The following KIF26B variants were observed in gnomAD, a reference collection of about 807,000 sequenced individuals.
The protein encoded by KIF26B is kinesin family member 26B.
Under a neutral mutation model 151.2 loss-of-function variants are expected in KIF26B, and 63 were observed. The ratio of observed to expected loss-of-function variants is 0.42; its 90% CI spans 0.34 to 0.51. The LOEUF (loss-of-function observed/expected upper bound fraction) is 0.51, where lower values mean the gene tolerates loss of function less well. KIF26B is among the 20% of genes least tolerant of loss of function. The pLI, the probability that KIF26B is intolerant of heterozygous loss-of-function variation, is 0.07. For synonymous variants in KIF26B, 1,357 were observed against 1,262.1 expected (o/e 1.08, Z -1.59); for missense variants, 2,813 against 2,913.6 (o/e 0.97, Z 0.79).
At chr1:245,381,500 G>GT (rs1673408441) in intron 3 of KIF26B, among the ~76,000 whole-genome samples, 1 of 152,098 alleles carries the variant, frequency 6.6e-6, no homozygotes, top group Admixed American at 6.6e-5. Context: ...TTTTCTTTTT[G>GT]TTTTTTAACT....
At chr1:245,443,784 G>A (rs1487779058) in intron 4 of KIF26B, among the ~76,000 whole-genome samples, 2 of 91,462 alleles carry the variant, frequency 2.2e-5, no homozygotes, top group African/African-American at 8.6e-5. Context: ...TTCACCCTGC[G>A]GTCATCTCCC....
intron 4 of KIF26B, among the ~76,000 whole-genome samples, chr1:245,465,327 G>A (rs1264672658): frequency 6.6e-6 from 1 of 152,090 alleles, no homozygotes; most frequent in Non-Finnish European, 1.5e-5. Context: ...GACTGTTCCC[G>A]CTGCAGTCTC....
intron 2 of KIF26B, among the ~76,000 whole-genome samples, chr1:245,212,815 C>T (rs1319393506): frequency 6.6e-6 from 1 of 152,250 alleles, no homozygotes; most frequent in Non-Finnish European, 1.5e-5. Context: ...GTCCCGTCCA[C>T]TTAAGGAGCA....
intron 9 of KIF26B, among the ~76,000 whole-genome samples, chr1:245,632,182 C>T (rs1219495344): frequency 6.6e-6 from 1 of 152,040 alleles, no homozygotes; most frequent in African/African-American, 2.4e-5. Context: ...ACTCTAAACC[C>T]CTCTTACTAC....
chr1:245,460,801 G>A (rs776856126), intron 4 of KIF26B, among the ~76,000 whole-genome samples: 31 of 152,180 alleles, frequency 2.0e-4, no homozygotes, highest in African/African-American at 6.0e-4. Flanking sequence ...AGCTCAAAAC[G>A]GTGCCACCCT....
intron 2 of KIF26B, among the ~76,000 whole-genome samples, chr1:245,165,491 T>C (rs1284391828): frequency 6.6e-6 from 1 of 152,194 alleles, no homozygotes; most frequent in Non-Finnish European, 1.5e-5. Context: ...GTTGGCGCTC[T>C]AGAGCGGCTT....
At chr1:245,671,832 C>T (rs2044290419) in intron 10 of KIF26B, among the ~76,000 whole-genome samples, 1 of 152,178 alleles carries the variant, frequency 6.6e-6, no homozygotes, top group South Asian at 2.1e-4. Flanking sequence ...GCATTTCTGA[C>T]TTGAAACCTG....
At chr1:245,549,513 TTC>T (rs1218407218) in intron 5 of KIF26B, among the ~76,000 whole-genome samples, 1 of 152,202 alleles carries the variant, frequency 6.6e-6, no homozygotes, top group Non-Finnish European at 1.5e-5. Flanking sequence ...TCTATAGTCT[TTC>T]TCTTGTTAAT....
intron 10 of KIF26B, among the ~76,000 whole-genome samples, chr1:245,652,102 CTGTGTGTGTGTGTGTGTGTG>C (rs56893913): frequency 2.9e-5 from 4 of 136,354 alleles, no homozygotes; most frequent in Non-Finnish European, 4.6e-5. Flanking sequence ...ATGTAAGAAT[CTGTGTGTGTGTGTGTGTGTG>C]TGTGTGTGTG....
chr1:245,327,242 A>C (rs1395402211), intron 2 of KIF26B, among the ~76,000 whole-genome samples: 1 of 152,210 alleles, frequency 6.6e-6, no homozygotes, highest in Non-Finnish European at 1.5e-5. Flanking sequence ...GGTTAGGACC[A>C]TTACGATTTC....
chr1:245,660,476 T>C (rs2044123972), intron 10 of KIF26B, among the ~76,000 whole-genome samples: 1 of 151,014 alleles, frequency 6.6e-6, no homozygotes, highest in African/African-American at 2.4e-5. Context: ...TAGCTGGGAC[T>C]ACAGGTGTGC....
chr1:245,644,551 A>G (rs1319678113), intron 9 of KIF26B, among the ~76,000 whole-genome samples: 1 of 152,160 alleles, frequency 6.6e-6, no homozygotes, highest in Non-Finnish European at 1.5e-5. Context: ...ATGCAGTTGC[A>G]TTACTTGGAA....
chr1:245,296,695 C>T (rs1288452713), intron 2 of KIF26B, among the ~76,000 whole-genome samples: 2 of 152,232 alleles, frequency 1.3e-5, no homozygotes, highest in African/African-American at 4.8e-5. Context: ...TCCACGTCCT[C>T]GTCTTTATGA....
At chr1:245,647,438 A>AAG (rs1553300138) in intron 10 of KIF26B, among the ~76,000 whole-genome samples, 4 of 149,794 alleles carry the variant, frequency 2.7e-5, no homozygotes, top group Admixed American at 1.3e-4. Context: ...AAAAAAAAAA[A>AAG]AAAAAGAAAA....
At chr1:245,230,972 A>G (rs1262903566) in intron 2 of KIF26B, among the ~76,000 whole-genome samples, 1 of 152,012 alleles carries the variant, frequency 6.6e-6, no homozygotes, top group African/African-American at 2.4e-5. Flanking sequence ...CCAGAAAGAA[A>G]TGGAGGAAAA....
chr1:245,383,666 G>A (rs1404389260), intron 3 of KIF26B, among the ~76,000 whole-genome samples: 1 of 152,208 alleles, frequency 6.6e-6, no homozygotes, highest in Non-Finnish European at 1.5e-5. Flanking sequence ...AGAAGCAGCA[G>A]CCTCTTTGAT....
chr1:245,562,060 T>C (rs890865767), intron 5 of KIF26B, among the ~76,000 whole-genome samples: 4 of 152,150 alleles, frequency 2.6e-5, no homozygotes, highest in Non-Finnish European at 5.9e-5. Context: ...ATCTTCAGTG[T>C]GTGCAGATCA....
In KIF26B at chr1:245,476,688, A is replaced by G. The variant is rs1660049860; in HGVS notation, c.1166+56943A>G. ...GTAGTTGAGACCACAGACACATGCC[A>G]TCATGCCCAGCGATTTTTTGTAGAC... On this transcript the variant is annotated intron_variant, in intron 4 of 14. Coordinates refer to ENST00000407071, the MANE Select transcript of KIF26B (RefSeq NM_018012.4). Among the ~76,000 whole-genome samples the G allele has an allele frequency of 4.0e-5, 6 of 151,560 alleles. No homozygotes were observed. In the South Asian group the frequency reaches 1.3e-3, roughly 32 times the overall value.
chr1:245,276,268 G>A (rs1670936397), intron 2 of KIF26B, among the ~76,000 whole-genome samples: 1 of 152,062 alleles, frequency 6.6e-6, no homozygotes, highest in Admixed American at 6.5e-5. Flanking sequence ...TCGAGAGGCA[G>A]AGGTTGCAGT....
Sources: gnomAD v4.1 joint callset for allele counts (sites outside exome capture counted in the v4.1 genomes callset) on GRCh38, gnomAD v4.1.1 for gene constraint, MANE v1.5 for transcripts, NCBI Gene and HGNC (gene_info 2026-07-23, HGNC 2026-07-21) for gene names.